Variants in NTRK3 observed in about 807,000 individuals in gnomAD.
NTRK3 encodes the protein NT-3 growth factor receptor.
In NTRK3, 24 loss-of-function variants were observed where a neutral mutation model predicts 91.7. The observed-to-expected ratio is 0.26, with a 90% CI of 0.19 to 0.37. The LOEUF (loss-of-function observed/expected upper bound fraction) is 0.37, where lower values mean the gene tolerates loss of function less well. Ranked by LOEUF, NTRK3 falls within the 10% of genes least tolerant of loss-of-function variation. The probability of loss-of-function intolerance (pLI) is 1.00; values close to 1 mark genes in which losing one functional copy is unlikely to be tolerated. For missense variants in NTRK3, 880 were observed against 1,068.9 expected (o/e 0.82, Z 2.46); for synonymous variants, 483 against 404.0 (o/e 1.20, Z -2.34).
intron 18 of NTRK3, 86 bp downstream of exon 19, chr15:87,880,184 G>A (rs1596061654): frequency 1.3e-6 from 2 of 1,553,056 alleles, no homozygotes; most frequent in East Asian, 4.5e-5. Flanking sequence ...CCCACCTAAT[G>A]TCTTGTTCAG....
intron 13 of NTRK3, chr15:88,098,982 C>T (rs562852480): frequency 4.3e-5 from 10 of 232,156 alleles, no homozygotes; most frequent in Admixed American, 2.8e-4. Context: ...TTGCCCAAAG[C>T]GAAGGGCTCA....
chr15:87,921,627 T>C (rs977131510), intron 17 of NTRK3, among the ~76,000 whole-genome samples: 2 of 152,162 alleles, frequency 1.3e-5, no homozygotes, highest in Non-Finnish European at 2.9e-5. Flanking sequence ...GGACACCTTA[T>C]TGGAGTAACA....
Position 88,255,815 on chromosome 15 carries a change from G to A in NTRK3, c.248+91C>T, listed in dbSNP as rs2053994276. The A allele has an allele frequency of 3.5e-6, 4 of 1,155,386 alleles. No individual in the cohort carries two copies. Among genetic ancestry groups the A allele is most frequent in the Non-Finnish European group, 4.6e-6 (4 of 877,396 alleles). 71.6% of individuals were successfully genotyped at this position (1,155,386 alleles called of 1,614,324 possible). Reference sequence around the variant, plus strand: ...GGGCGGCGGGCAGCGGCGAGCTGGGGCGGGCGGAGGGCCGGCTCCCGGCCG... The same window carrying A: ...GGGCGGCGGGCAGCGGCGAGCTGGGACGGGCGGAGGGCCGGCTCCCGGCCG... On this transcript the variant is annotated intron_variant, in intron 3 of 18. Transcript: ENST00000394480. The surrounding 1 kb of genome is among the most constrained non-coding windows in gnomAD (Gnocchi z 4.3).
At chr15:87,919,710 T>G (rs772282404) in intron 17 of NTRK3, among the ~76,000 whole-genome samples, 9 of 152,188 alleles carry the variant, frequency 5.9e-5, no homozygotes, top group Non-Finnish European at 1.2e-4. Context: ...ACAATTATCC[T>G]CAATATCTCA....
intron 16 of NTRK3, among the ~76,000 whole-genome samples, chr15:87,932,772 GA>G (rs1266571460): frequency 6.6e-6 from 1 of 152,208 alleles, no homozygotes; most frequent in Non-Finnish European, 1.5e-5. Context: ...ATTTTGGAAT[GA>G]GGAAGAATAG....
At chr15:88,225,298 G>C (rs1434285787) in intron 3 of NTRK3, among the ~76,000 whole-genome samples, 5 of 152,160 alleles carry the variant, frequency 3.3e-5, no homozygotes, top group Non-Finnish European at 7.3e-5. Context: ...CAAATACTGG[G>C]CTTAAGCAGG....
intron 3 of NTRK3, among the ~76,000 whole-genome samples, chr15:88,202,060 G>A (rs1397846676): frequency 6.6e-6 from 1 of 151,788 alleles, no homozygotes; most frequent in East Asian, 1.9e-4. Flanking sequence ...ATTTTCCTCT[G>A]AAGAAGGTCA....
chr15:87,988,438 T>C (rs934858426), intron 14 of NTRK3, among the ~76,000 whole-genome samples: 3 of 152,232 alleles, frequency 2.0e-5, no homozygotes, highest in African/African-American at 7.2e-5. Context: ...TTAAGAATAA[T>C]GTACCTACAC....
At chr15:88,015,051 G>T (rs1241827761) in intron 14 of NTRK3, among the ~76,000 whole-genome samples, 1 of 152,208 alleles carries the variant, frequency 6.6e-6, no homozygotes, top group Non-Finnish European at 1.5e-5. Flanking sequence ...TCCCTGTGCT[G>T]AAAGGTATAT....
intron 3 of NTRK3, among the ~76,000 whole-genome samples, chr15:88,254,986 C>T (rs949944283): frequency 3.9e-5 from 6 of 152,164 alleles, no homozygotes; most frequent in African/African-American, 1.4e-4. Flanking sequence ...CTGCCATCCC[C>T]ACCAAAGAAA....
rs112498178 is a variant in NTRK3, at chr15:87,972,639, G to C, written c.1586-31886C>G. On this transcript the variant is annotated intron_variant, in intron 14 of 18. Transcript: ENST00000394480. ...AAAGCCTTAAATCATCTATTTAAGA[G>C]AAGCTTTGAGAGGATCCTTTTGGTA... 3.5e-3 allele frequency among the ~76,000 whole-genome samples: 538 copies of C among 152,300 alleles called. 3 individuals are homozygous for C. Among genetic ancestry groups the C allele is most frequent in the African/African-American group, 0.012 (503 of 41,566 alleles).
chr15:88,225,533 T>G (rs1244755966), intron 3 of NTRK3, among the ~76,000 whole-genome samples: 1 of 151,518 alleles, frequency 6.6e-6, no homozygotes, highest in Non-Finnish European at 1.5e-5. Context: ...GGATGAAGAG[T>G]CCAGGAGATG....
chr15:87,943,246 A>C (rs1218114807), intron 14 of NTRK3, among the ~76,000 whole-genome samples: 1 of 150,354 alleles, frequency 6.7e-6, no homozygotes, highest in Non-Finnish European at 1.5e-5. Flanking sequence ...TAGCCAGCTG[A>C]AGAAGTTTAC....
intron 6 of NTRK3, among the ~76,000 whole-genome samples, chr15:88,139,348 A>G (rs922833919): frequency 6.6e-6 from 1 of 152,198 alleles, no homozygotes; most frequent in African/African-American, 2.4e-5. Flanking sequence ...TGGACCATCA[A>G]GGAGATGAAT....
intron 13 of NTRK3, among the ~76,000 whole-genome samples, chr15:88,122,829 T>C (rs1305989988): frequency 6.6e-6 from 1 of 152,150 alleles, no homozygotes; most frequent in African/African-American, 2.4e-5. Context: ...TGTTAATTTA[T>C]AAGCTGTACT....
chr15:88,017,698 C>T (rs1243254251), intron 14 of NTRK3, among the ~76,000 whole-genome samples: 1 of 152,096 alleles, frequency 6.6e-6, no homozygotes, highest in Admixed American at 6.5e-5. Flanking sequence ...GGAGAGGGGT[C>T]ACCCAGAGAT....
intron 14 of NTRK3, among the ~76,000 whole-genome samples, chr15:87,956,481 C>T (rs971719242): frequency 2.0e-5 from 3 of 152,188 alleles, no homozygotes; most frequent in Non-Finnish European, 4.4e-5. Flanking sequence ...GCCATGTTGG[C>T]CAGGCTGGTC....
intron 5 of NTRK3, among the ~76,000 whole-genome samples, chr15:88,167,754 T>C (rs2045120337): frequency 2.0e-5 from 3 of 152,122 alleles, no homozygotes; most frequent in Admixed American, 2.0e-4. Context: ...GATGCATCCA[T>C]TTCACTTCAC....
intron 11 of NTRK3, among the ~76,000 whole-genome samples, chr15:88,128,303 G>C (rs1567476499): frequency 6.6e-6 from 1 of 152,182 alleles, no homozygotes; most frequent in Non-Finnish European, 1.5e-5. Context: ...TCCTGGCCAA[G>C]TGCTCAGGCT....
Sources: allele counts gnomAD v4.1 joint callset (sites outside exome capture counted in the v4.1 genomes callset), GRCh38; gene constraint gnomAD v4.1.1; non-coding constraint Gnocchi (gnomAD v3.1); transcripts MANE v1.5; gene names NCBI Gene and HGNC (gene_info 2026-07-23, HGNC 2026-07-21).